Variants in KCTD21 observed in about 807,000 individuals in gnomAD.
KCTD21 encodes potassium channel tetramerization domain containing 21, also known as BTB/POZ domain-containing protein KCTD21.
In KCTD21, 9 loss-of-function variants were observed where a neutral mutation model predicts 13.2. The ratio of observed to expected loss-of-function variants is 0.68; its 90% confidence interval spans 0.41 to 1.19. KCTD21 has a LOEUF of 1.19. KCTD21 is among the 50% of genes most tolerant of loss of function. KCTD21 has a pLI of 0.01. For missense variants in KCTD21, 303 were observed against 336.5 expected (o/e 0.90, Z 0.78); for synonymous variants, 142 against 137.4 (o/e 1.03, Z -0.23).
chr11:78,184,306 A>G (rs1862709802), intron 1 of KCTD21, among the ~76,000 whole-genome samples: 1 of 152,202 alleles, frequency 6.6e-6, no homozygotes, highest in East Asian at 1.9e-4. Flanking sequence ...CCAATCAAAC[A>G]TATTTAAATA....
At chr11:78,182,089 C>A (rs191440190) in intron 1 of KCTD21, among the ~76,000 whole-genome samples, 3 of 152,304 alleles carry the variant, frequency 2.0e-5, no homozygotes, top group Non-Finnish European at 2.9e-5. Context: ...TTGTGTGATA[C>A]TGTGATATAA....
rs73505302 is a variant in KCTD21, at chr11:78,187,974, G to A, written c.-30+599C>T. 6.7e-3 allele frequency: 6,564 copies of A among 985,304 alleles called. 294 individuals are homozygous for A. In the African/African-American group the frequency reaches 0.11, roughly 16 times the overall value. 61.0% of individuals were successfully genotyped at this position (985,304 alleles called of 1,614,324 possible). On this transcript the variant is annotated intron_variant, in intron 1 of 1. Coordinates refer to ENST00000340067, the MANE Select transcript of KCTD21 (RefSeq NM_001029859.3). ...GTGACGCCTCTACTTTTCAGGGCGT[G>A]GGAGGTCAATGAGATCACTGGTGTG...
chr11:78,187,474 G>A, intron 1 of KCTD21: 2 of 985,368 alleles, frequency 2.0e-6, no homozygotes, highest in Non-Finnish European at 2.4e-6. Flanking sequence ...GGAGACCACG[G>A]AATCTGGCAC....
chr11:78,184,965 T>C (rs1296446728), intron 1 of KCTD21, among the ~76,000 whole-genome samples: 1 of 152,206 alleles, frequency 6.6e-6, no homozygotes, highest in Non-Finnish European at 1.5e-5. Flanking sequence ...CTTGAACTCC[T>C]GGGCTCAAGC....
At chr11:78,181,153 C>T (rs758012118) in intron 1 of KCTD21, among the ~76,000 whole-genome samples, 44 of 152,126 alleles carry the variant, frequency 2.9e-4, no homozygotes, top group Non-Finnish European at 5.6e-4. Context: ...TATCACGTGA[C>T]CCAATGACCC....
At chr11:78,176,729 C>T (rs865933333) in intron 1 of KCTD21, among the ~76,000 whole-genome samples, 29 of 152,184 alleles carry the variant, frequency 1.9e-4, no homozygotes, top group African/African-American at 7.0e-4. Flanking sequence ...CACAGTGGCT[C>T]ATGCCTGTAA....
At chr11:78,187,372 C>A in intron 1 of KCTD21, 2 of 985,368 alleles carry the variant, frequency 2.0e-6, no homozygotes, top group Non-Finnish European at 2.4e-6. Flanking sequence ...CATCACAACC[C>A]ATAGGGAGGA....
At chr11:78,179,188 T>G (rs1179201763) in intron 1 of KCTD21, among the ~76,000 whole-genome samples, 2 of 151,294 alleles carry the variant, frequency 1.3e-5, no homozygotes, top group Non-Finnish European at 2.9e-5. Flanking sequence ...ATTCCCCTGC[T>G]ACTCTTTTTA....
rs879757591 is a variant in KCTD21, at chr11:78,173,481, T to C, written c.*291A>G. On this transcript the variant is annotated 3_prime_UTR_variant, in exon 2 of 2. Transcript: ENST00000340067. ...CCAGGAGAAAACTGCTGCTCTTTTG[T>C]CCTGGCTGGAAAATCCTCCTATGGC... 5 of 317,702 alleles carry C rather than the reference T, an allele frequency of 1.6e-5. No individual in the cohort carries two copies. The highest frequency in any genetic ancestry group is 2.9e-5 in the Non-Finnish European group (5 of 171,672). 19.7% of individuals were successfully genotyped at this position (317,702 alleles called of 1,614,324 possible).
chr11:78,187,168 G>A lies in KCTD21; in HGVS notation c.-30+1405C>T, dbSNP rs546186349. ...TCAAAAAAGACAATGCTCAGAGTGAGTACTGTGTTTTCCAGTAAGTGGGAG... is the reference window on the plus strand; with the variant it reads ...TCAAAAAAGACAATGCTCAGAGTGAATACTGTGTTTTCCAGTAAGTGGGAG... On this transcript the variant is annotated intron_variant, in intron 1 of 1. Transcript: ENST00000340067. 1.1e-4 allele frequency: 108 copies of A among 985,408 alleles called. No homozygotes were observed. In the African/African-American group the frequency reaches 1.7e-3, roughly 16 times the overall value. The allele number at this position is 985,408 out of a possible 1,614,324, so 61.0% of individuals were successfully genotyped here. A position where few individuals can be genotyped will look rare whatever the true frequency, so the allele number is the denominator to read the frequency against.
chr11:78,188,580 C>A lies in KCTD21; in HGVS notation c.-37G>T. On this transcript the variant is annotated 5_prime_UTR_variant, in exon 1 of 2. Transcript: ENST00000340067. ...CGGCCGTGCCGCACCCACCTCCTGC[C>A]CTCGCTCTGCAGCCTCTCCCTCCGC... The A allele has an allele frequency of 1.0e-6, 1 of 985,728 alleles. No individual in the cohort carries two copies. Among genetic ancestry groups the A allele is most frequent in the Non-Finnish European group, 1.2e-6 (1 of 830,156 alleles). The allele number at this position is 985,728 out of a possible 1,614,324, so 61.1% of individuals were successfully genotyped here.
intron 1 of KCTD21, chr11:78,188,311 C>T (rs148857829): frequency 3.0e-6 from 3 of 985,000 alleles, no homozygotes; most frequent in Non-Finnish European, 3.6e-6. Context: ...TCCCGACCCT[C>T]ATTATCCGGG....
At chr11:78,181,544 G>C (rs1408102547) in intron 1 of KCTD21, among the ~76,000 whole-genome samples, 1 of 152,180 alleles carries the variant, frequency 6.6e-6, no homozygotes, top group Non-Finnish European at 1.5e-5. Flanking sequence ...GGCATATTTT[G>C]GAGTGATGGG....
chr11:78,185,013 T>C (rs927686346), intron 1 of KCTD21, among the ~76,000 whole-genome samples: 1 of 152,174 alleles, frequency 6.6e-6, no homozygotes, highest in African/African-American at 2.4e-5. Context: ...GCTGGGGTTA[T>C]AGACATGACC....
At chr11:78,188,220 C>T (rs994662768) in intron 1 of KCTD21, 15 of 984,908 alleles carry the variant, frequency 1.5e-5, no homozygotes, top group African/African-American at 1.8e-5. Context: ...CTACAGCCCC[C>T]ACTCCGACCT....
Position 78,173,990 on chromosome 11 carries a change from C to T in KCTD21, c.565G>A (p.Val189Met), listed in dbSNP as rs1431895860. ...QDPNHLTLDW[V>M]ANVEGLPEEE... ...TCTGGCAGGCCCTCCACATTGGCCA[C>T]CCAGTCCAGAGTCAGGTGGTTGGGG... Residue 189 changes from valine (V) to methionine (M), a missense_variant, in exon 2 of 2, where the codon GTG becomes ATG. Val to Met is a conservative substitution (Grantham distance 21, BLOSUM62 1). Transcript: ENST00000340067. 6.2e-7 allele frequency: 1 copy of T among 1,613,976 alleles called. No individual in the cohort carries two copies. The highest frequency in any genetic ancestry group is 1.7e-5 in the Admixed American group (1 of 60,008).
At chr11:78,186,448 T>C (rs928856123) in intron 1 of KCTD21, among the ~76,000 whole-genome samples, 1 of 138,710 alleles carries the variant, frequency 7.2e-6, no homozygotes, top group African/African-American at 2.7e-5. Context: ...GGGCAGACCA[T>C]GCATGGTATT....
intron 1 of KCTD21, among the ~76,000 whole-genome samples, chr11:78,176,678 G>A (rs1303751870): frequency 6.6e-6 from 1 of 152,166 alleles, no homozygotes. Flanking sequence ...GAGATGGTCT[G>A]GAATGAACCT....
intron 1 of KCTD21, chr11:78,178,131 C>CTTTTTTTTTTT (rs11453841): frequency 7.0e-6 from 1 of 141,886 alleles, no homozygotes; most frequent in African/African-American, 2.6e-5. Context: ...CCCTTCTTTT[C>CTTTTTTTTTTT]TTTTTTTTTT....
Sources: gnomAD v4.1 joint callset for allele counts (sites outside exome capture counted in the v4.1 genomes callset) on GRCh38, gnomAD v4.1.1 for gene constraint, MANE v1.5 for transcripts, NCBI Gene and HGNC (gene_info 2026-07-23, HGNC 2026-07-21) for gene names.